The following IFNGR2 variants were observed in gnomAD, a reference collection of about 807,000 sequenced individuals.
IFNGR2 encodes the protein IFN-gamma receptor 2.
Under a neutral mutation model 41.1 loss-of-function variants are expected in IFNGR2, and 15 were observed. That is an observed-to-expected ratio of 0.37 (90% CI 0.24 to 0.56). The LOEUF is 0.56. IFNGR2 is among the 20% of genes least tolerant of loss of function. IFNGR2 has a pLI of 0.81. For missense variants in IFNGR2, 362 were observed against 415.7 expected (o/e 0.87, Z 1.12); for synonymous variants, 161 against 171.6 (o/e 0.94, Z 0.48).
chr21:33,412,858 A>T (rs1377828195), intron 1 of IFNGR2, among the ~76,000 whole-genome samples: 1 of 152,108 alleles, frequency 6.6e-6, no homozygotes, highest in Non-Finnish European at 1.5e-5. Flanking sequence ...CCCGGCCAGG[A>T]GTTTATTTCT....
chr21:33,426,709 A>G (rs949113484), intron 3 of IFNGR2, among the ~76,000 whole-genome samples, 175 bp from the exon 4 acceptor site: 2 of 151,682 alleles, frequency 1.3e-5, no homozygotes, highest in Admixed American at 1.3e-4. Flanking sequence ...GACAGAGCAA[A>G]ACTGTCTCGA....
intron 4 of IFNGR2, among the ~76,000 whole-genome samples, chr21:33,430,264 C>G (rs1467710173): frequency 6.6e-6 from 1 of 152,206 alleles, no homozygotes; most frequent in Non-Finnish European, 1.5e-5. Context: ...CAGTCTGTGA[C>G]TCTAAATTTT....
rs41356148 is a variant in IFNGR2 at position 33,436,964 on chromosome 21, C to T, written c.*2C>T. 1.8e-3 allele frequency: 2,977 copies of T among 1,613,802 alleles called. 49 individuals are homozygous for T. The African/African-American group carries it at 0.035, about 19-fold the overall frequency. ...GAAGATGTTCTCCAAACGCTTTGAA[C>T]CAAAGCATGGGCCTAGCCCACTGGC... On this transcript the variant is annotated 3_prime_UTR_variant, in exon 7 of 7. Transcript: ENST00000290219.
At chr21:33,403,827 C>T (rs1247823564) in intron 1 of IFNGR2, among the ~76,000 whole-genome samples, 1 of 152,044 alleles carries the variant, frequency 6.6e-6, no homozygotes, top group Non-Finnish European at 1.5e-5. Flanking sequence ...GCGGGGTGCC[C>T]AGGGCTAGAG....
intron 4 of IFNGR2, among the ~76,000 whole-genome samples, chr21:33,427,646 A>G (rs2083850012): frequency 6.6e-6 from 1 of 152,060 alleles, no homozygotes; most frequent in Non-Finnish European, 1.5e-5. Context: ...GTATAGGAAA[A>G]AGCATCATGG....
chr21:33,411,347 G>A, intron 1 of IFNGR2: 1 of 433,308 alleles, frequency 2.3e-6, no homozygotes, highest in East Asian at 7.2e-5. Context: ...GAGCCCCTTG[G>A]TGCTTCCTTT....
rs2083962051 is a variant in IFNGR2, at chr21:33,437,016, G to C, written c.*54G>C. On this transcript the variant is annotated 3_prime_UTR_variant, in exon 7 of 7. Coordinates refer to ENST00000290219, the MANE Select transcript of IFNGR2 (RefSeq NM_005534.4). ...CCCTGGAAGAGATCAAGCCATCGGA[G>C]CTGCTAGAGTTCTGTCTGGACTTTC... The C allele has an allele frequency of 6.3e-7, 1 of 1,598,336 alleles. No homozygotes were observed. Among genetic ancestry groups the C allele is most frequent in the Non-Finnish European group, 8.6e-7 (1 of 1,166,730 alleles).
intron 1 of IFNGR2, among the ~76,000 whole-genome samples, chr21:33,412,834 C>T (rs926314040): frequency 6.6e-6 from 1 of 152,220 alleles, no homozygotes; most frequent in Non-Finnish European, 1.5e-5. Context: ...GGATTTCAGG[C>T]ATGAGCCACT....
chr21:33,428,690 C>T (rs1294977530), intron 4 of IFNGR2, among the ~76,000 whole-genome samples: 1 of 152,220 alleles, frequency 6.6e-6, no homozygotes, highest in African/African-American at 2.4e-5. Context: ...AAGAGAGACT[C>T]TGCCTCTTCC....
At chr21:33,426,204 G>T (rs1484386692) in intron 3 of IFNGR2, among the ~76,000 whole-genome samples, 2 of 152,056 alleles carry the variant, frequency 1.3e-5, no homozygotes, top group African/African-American at 4.8e-5. Flanking sequence ...CCTGAGGTCA[G>T]GAGTTTGAAA....
intron 1 of IFNGR2, chr21:33,411,330 C>A: frequency 2.5e-6 from 1 of 398,264 alleles, no homozygotes; most frequent in Admixed American, 3.1e-5. Flanking sequence ...CCTCGCCACC[C>A]ACCCCGGAGC....
At chr21:33,432,993 C>T in intron 6 of IFNGR2, 122 bp downstream of exon 6, 1 of 824,054 alleles carries the variant, frequency 1.2e-6, no homozygotes, top group Non-Finnish European at 2.0e-6. Context: ...TCAAGCGATT[C>T]TCCTGCCTCA....
Position 33,432,319 on chromosome 21 carries a change from A to G in IFNGR2, c.704A>G (p.Tyr235Cys). ...GGGCATTTAAGCAACATATCTTGCT[A>G]CGAAACAATGGCAGATGGTAAAATA... ...RVGHLSNISC[Y>C]ETMADASTEL... is the part of the protein sequence containing the mutation. Residue 235 changes from tyrosine to cysteine, a missense_variant, in exon 5 of 7, where the codon TAC becomes TGC. Coordinates refer to ENST00000290219, the MANE Select transcript of IFNGR2 (RefSeq NM_005534.4). 6.2e-7 allele frequency: 1 copy of G among 1,614,110 alleles called. No homozygotes were observed. The highest frequency in any genetic ancestry group is 2.2e-5 in the East Asian group (1 of 44,894).
intron 3 of IFNGR2, 62 bp downstream of exon 3, chr21:33,421,747 C>G: frequency 8.1e-7 from 1 of 1,235,752 alleles, no homozygotes; most frequent in Admixed American, 1.7e-5. Flanking sequence ...CTTGCGGTAT[C>G]GACTCCACAC....
At chr21:33,410,387 G>A (rs958600100) in intron 1 of IFNGR2, among the ~76,000 whole-genome samples, 6 of 150,106 alleles carry the variant, frequency 4.0e-5, no homozygotes, top group Non-Finnish European at 8.9e-5. Flanking sequence ...GGCTGGTCTT[G>A]AACTCCTGAC....
chr21:33,404,947 A>AC (rs2083666723), intron 1 of IFNGR2, among the ~76,000 whole-genome samples: 1 of 151,904 alleles, frequency 6.6e-6, no homozygotes, highest in Non-Finnish European at 1.5e-5. Flanking sequence ...ACATGGTGAA[A>AC]CCCCCGTCTG....
chr21:33,424,618 A>G (rs1402521646), intron 3 of IFNGR2, among the ~76,000 whole-genome samples: 1 of 152,216 alleles, frequency 6.6e-6, no homozygotes, highest in African/African-American at 2.4e-5. Flanking sequence ...AGGCTTTAGC[A>G]TCACCCTCAC....
At chr21:33,415,431 C>G (rs2083747261) in intron 2 of IFNGR2, among the ~76,000 whole-genome samples, 1 of 152,188 alleles carries the variant, frequency 6.6e-6, no homozygotes, top group Non-Finnish European at 1.5e-5. Flanking sequence ...TGGTTAATTA[C>G]AATGAATTCT....
chr21:33,428,832 A>AGGGCCCG (rs1420264311), intron 4 of IFNGR2, among the ~76,000 whole-genome samples: 10 of 152,126 alleles, frequency 6.6e-5, no homozygotes, highest in African/African-American at 2.4e-4. Flanking sequence ...TCCCTCCCCA[A>AGGGCCCG]GGGCCCGCCC....
Sources: allele counts gnomAD v4.1 joint callset (sites outside exome capture counted in the v4.1 genomes callset), GRCh38; gene constraint gnomAD v4.1.1; transcripts MANE v1.5; gene names NCBI Gene and HGNC (gene_info 2026-07-23, HGNC 2026-07-21).